The following TLN2 variants were observed in gnomAD, a reference collection of about 807,000 sequenced individuals.
The protein encoded by TLN2 is talin 2.
TLN2 carries 118 observed loss-of-function variants against 294.7 expected under a neutral mutation model. The ratio of observed to expected loss-of-function variants is 0.40; its 90% CI spans 0.34 to 0.47. The LOEUF is 0.47. Among genes scored for constraint, TLN2 ranks in the 20% least tolerant of loss-of-function variants. The pLI, the probability that TLN2 is intolerant of heterozygous loss-of-function variation, is 0.84. For missense variants in TLN2, 3,083 were observed against 3,282.2 expected (o/e 0.94, Z 1.48); for synonymous variants, 1,431 against 1,304.5 (o/e 1.10, Z -2.09).
chr15:62,410,077 A>T (rs1262888289), intron 1 of TLN2, among the ~76,000 whole-genome samples: 1 of 152,142 alleles, frequency 6.6e-6, no homozygotes, highest in African/African-American at 2.4e-5. Context: ...CCCCGTCTCT[A>T]CTAAAAATAC....
At chr15:62,541,734 G>A (rs2041701172) in intron 1 of TLN2, among the ~76,000 whole-genome samples, 2 of 151,980 alleles carry the variant, frequency 1.3e-5, no homozygotes, top group South Asian at 2.1e-4. Context: ...AGTTTTCATT[G>A]CATTATATTT....
chr15:62,745,143 A>G (rs181823551), intron 32 of TLN2, among the ~76,000 whole-genome samples: 177 of 152,326 alleles, frequency 1.2e-3, no homozygotes, highest in African/African-American at 4.0e-3. Context: ...ATCTCTGAAC[A>G]CTAAATAATG....
In TLN2 at chr15:62,492,481, G is replaced by T. The variant is rs112203433; in HGVS notation, c.-237-97206G>T. Among the ~76,000 whole-genome samples the T allele has an allele frequency of 6.9e-3, 1,039 of 151,480 alleles. 10 individuals carry two copies. Among genetic ancestry groups the T allele is most frequent in the African/African-American group, 0.024 (992 of 41,304 alleles). ...GCTGAGGTGAGAATTGCCTGAATCC[G>T]GGAGGCAGAAGTTGCAGTGAGCCGA... is the stretch of plus-strand genomic sequence containing the variant. On this transcript the variant is annotated intron_variant, in intron 1 of 58. Coordinates refer to ENST00000636159, the MANE Select transcript of TLN2 (RefSeq NM_015059.3).
At chr15:62,739,256 T>G (rs918382316) in intron 30 of TLN2, 92 bp from the exon 31 acceptor site, 6 of 1,398,174 alleles carry the variant, frequency 4.3e-6, no homozygotes, top group Non-Finnish European at 5.8e-6. Context: ...AATGCATCTC[T>G]GAAGAGTCTG....
chr15:62,481,798 C>CTTTTTTTTTTTTTT (rs60002079), intron 1 of TLN2, among the ~76,000 whole-genome samples: 2 of 115,742 alleles, frequency 1.7e-5, no homozygotes, highest in African/African-American at 3.5e-5. Context: ...TTCTTTCTTT[C>CTTTTTTTTTTTTTT]TTTTTTTTTT....
intron 1 of TLN2, among the ~76,000 whole-genome samples, chr15:62,494,348 A>G (rs1170357648): frequency 2.0e-5 from 3 of 152,110 alleles, no homozygotes; most frequent in Non-Finnish European, 4.4e-5. Context: ...GAGCCTCTCC[A>G]GAAGTAGATT....
At chr15:62,642,323 TAAC>T (rs777499702) in intron 3 of TLN2, among the ~76,000 whole-genome samples, 1 of 152,336 alleles carries the variant, frequency 6.6e-6, no homozygotes, top group East Asian at 1.9e-4. Context: ...GATTAGACTA[TAAC>T]AACACTGCAA....
intron 1 of TLN2, among the ~76,000 whole-genome samples, chr15:62,494,729 G>GA (rs904026082): frequency 6.6e-5 from 10 of 151,372 alleles, no homozygotes; most frequent in African/African-American, 2.2e-4. Context: ...TAAGAAAGAG[G>GA]AAAAAAAAGA....
At chr15:62,419,440 G>A (rs1186187513) in intron 1 of TLN2, among the ~76,000 whole-genome samples, 2 of 152,178 alleles carry the variant, frequency 1.3e-5, no homozygotes, top group African/African-American at 4.8e-5. Context: ...GCTTTCTGGA[G>A]TCTTCCTTAG....
At chr15:62,612,178 C>G (rs2047973243) in intron 2 of TLN2, among the ~76,000 whole-genome samples, 1 of 152,194 alleles carries the variant, frequency 6.6e-6, no homozygotes, top group South Asian at 2.1e-4. Context: ...GAACAATCGT[C>G]CTTCACTCTA....
rs1446456385 is a variant in TLN2 at position 62,491,349 on chromosome 15, T to TACACAC, written c.-237-98337_-237-98336insCACACA. Reference sequence around the variant, plus strand: ...CTCAAAAAAAAAAAATATATATATATATACACACACACACACACACACACA... The same window carrying TACACAC: ...CTCAAAAAAAAAAAATATATATATATACACACATACACACACACACACACACACACA... On this transcript the variant is annotated intron_variant, in intron 1 of 58. Coordinates refer to ENST00000636159, the MANE Select transcript of TLN2 (RefSeq NM_015059.3). 3.9e-3 allele frequency among the ~76,000 whole-genome samples: 332 copies of TACACAC among 84,520 alleles called. 2 individuals carry two copies. Among genetic ancestry groups the TACACAC allele is most frequent in the South Asian group, 0.013 (42 of 3,120 alleles). The allele number at this position is 84,520 out of a possible 152,430, so 55.4% of individuals were successfully genotyped here.
At chr15:62,759,797 A>G (rs1164999242) in intron 37 of TLN2, among the ~76,000 whole-genome samples, 1 of 152,186 alleles carries the variant, frequency 6.6e-6, no homozygotes, top group Non-Finnish European at 1.5e-5. Context: ...TTCCACTCCA[A>G]AGTCCACTCT....
At chr15:62,535,601 G>C (rs1238199454) in intron 1 of TLN2, among the ~76,000 whole-genome samples, 2 of 150,598 alleles carry the variant, frequency 1.3e-5, no homozygotes, top group Non-Finnish European at 2.9e-5. Context: ...TGTTGCCCCG[G>C]CCAGAGTGCA....
chr15:62,804,370 G>A (rs2066135014), intron 50 of TLN2, among the ~76,000 whole-genome samples: 1 of 152,212 alleles, frequency 6.6e-6, no homozygotes, highest in South Asian at 2.1e-4. Flanking sequence ...GGCTGAGGCA[G>A]GAGGATTGCT....
chr15:62,738,895 G>A (rs537929455), intron 30 of TLN2, among the ~76,000 whole-genome samples: 1 of 152,296 alleles, frequency 6.6e-6, no homozygotes, highest in African/African-American at 2.4e-5. Flanking sequence ...ATTAGCAAAG[G>A]CCACTAATAT....
chr15:62,819,643 T>C, intron 53 of TLN2, 22 bp downstream of exon 53: 2 of 1,599,616 alleles, frequency 1.3e-6, no homozygotes, highest in Non-Finnish European at 1.7e-6. Context: ...TCTCACGTCT[T>C]GGTGGAGGGC....
At chr15:62,703,605 ACACACACACACACACACGCGCG>A (rs1345599298) in intron 19 of TLN2, among the ~76,000 whole-genome samples, 5 of 78,520 alleles carry the variant, frequency 6.4e-5, no homozygotes, top group African/African-American at 2.1e-4. Context: ...TTACTTCGAC[ACACACACACACACACACGCGCG>A]CACACACACA....
At chr15:62,691,025 CGTGGGA>C (rs1567364920) in intron 12 of TLN2, among the ~76,000 whole-genome samples, 1 of 21,276 alleles carries the variant, frequency 4.7e-5, no homozygotes, top group Non-Finnish European at 9.3e-5. Context: ...GGAGGGAGAC[CGTGGGA>C]GAGGGAGAGG....
chr15:62,723,320 C>T (rs933802440), intron 26 of TLN2, among the ~76,000 whole-genome samples: 1 of 152,164 alleles, frequency 6.6e-6, no homozygotes, highest in Non-Finnish European at 1.5e-5. Flanking sequence ...CTGGAATCAC[C>T]TGGGGATGCT....
Sources: allele counts gnomAD v4.1 joint callset (sites outside exome capture counted in the v4.1 genomes callset), GRCh38; gene constraint gnomAD v4.1.1; transcripts MANE v1.5; gene names NCBI Gene and HGNC (gene_info 2026-07-23, HGNC 2026-07-21).